The following PREX1 variants were observed in gnomAD, a reference collection of about 807,000 sequenced individuals.
The protein encoded by PREX1 is phosphatidylinositol 3,4,5-trisphosphate-dependent Rac exchanger 1 protein.
Under a neutral mutation model 198.3 loss-of-function variants are expected in PREX1, and 41 were observed. That is an observed-to-expected ratio of 0.21 (90% CI 0.16 to 0.27). The LOEUF (loss-of-function observed/expected upper bound fraction) is 0.27, where lower values mean the gene tolerates loss of function less well. PREX1 is among the 10% of genes least tolerant of loss of function. PREX1 has a pLI of 1.00. For synonymous variants in PREX1, 843 were observed against 887.2 expected, an observed-to-expected ratio of 0.95 and a Z score of 0.89; for missense variants, 1,620 against 2,200.7, an observed-to-expected ratio of 0.74 and a Z score of 5.28.
rs752267649 is a variant in PREX1 at position 48,650,925 on chromosome 20, C to A, written c.2786G>T (p.Ser929Ile). Reference sequence around the variant, plus strand: ...GTAGCAGGCAATCCTCTGGCCAATGCTCTCCAGCTTGGTGTCACAGATGTT... The same window carrying A: ...GTAGCAGGCAATCCTCTGGCCAATGATCTCCAGCTTGGTGTCACAGATGTT... ...FRNICDTKLE[S>I]IGQRIACYQE... The change falls in exon 23 of 40, where the codon AGC becomes ATC. Residue 929 changes from serine to isoleucine, a missense_variant. Physicochemically the swap from Ser to Ile is moderately radical, Grantham distance 142. Transcript: ENST00000371941. The A allele has an allele frequency of 6.2e-7, 1 of 1,614,208 alleles. No homozygotes were observed. Among genetic ancestry groups the A allele is most frequent in the South Asian group, 1.1e-5 (1 of 91,086 alleles).
chr20:48,705,892 T>A (rs1275106056), intron 6 of PREX1, among the ~76,000 whole-genome samples: 1 of 152,148 alleles, frequency 6.6e-6, no homozygotes, highest in African/African-American at 2.4e-5. Context: ...CAGGACAAAC[T>A]TACTCGAGGC....
In PREX1 at chr20:48,827,638, T is replaced by G; in HGVS notation, c.219+4A>C. 1.0e-5 allele frequency: 13 copies of G among 1,300,824 alleles called. No individual in the cohort carries two copies. Among genetic ancestry groups the G allele is most frequent in the Non-Finnish European group, 1.3e-5 (13 of 1,012,814 alleles). The allele number at this position is 1,300,824 out of a possible 1,614,324, so 80.6% of individuals were successfully genotyped here. On this transcript the variant is annotated splice_donor_region_variant and intron_variant, in intron 1 of 39. Coordinates refer to ENST00000371941, the MANE Select transcript of PREX1 (RefSeq NM_020820.4). The surrounding 1 kb of genome is among the most constrained non-coding windows in gnomAD (Gnocchi z 4.1). ...CTGTCCCCAAGCTCCCGAGCGACACTCACCGACTGCAAGAAGCGCAAGGTG... is the reference window on the plus strand; with the variant it reads ...CTGTCCCCAAGCTCCCGAGCGACACGCACCGACTGCAAGAAGCGCAAGGTG...
At chr20:48,869,425 A>C in the PREX1 span, among the ~76,000 whole-genome samples, 11 of 152,096 alleles carry the variant, frequency 7.2e-5, no homozygotes, top group African/African-American at 2.7e-4. Context: ...TGGCCTCCCA[A>C]AGTGCTGGGA....
At chr20:48,772,665 C>T (rs1429560542) in intron 1 of PREX1, among the ~76,000 whole-genome samples, 1 of 152,166 alleles carries the variant, frequency 6.6e-6, no homozygotes, top group East Asian at 1.9e-4. Context: ...AATTTACTGC[C>T]CTGAAACTGA....
chr20:48,656,713 C>T (rs187992514), intron 18 of PREX1, among the ~76,000 whole-genome samples: 3 of 152,300 alleles, frequency 2.0e-5, no homozygotes, highest in East Asian at 1.9e-4. Context: ...ATCTGTGCCA[C>T]GCTCACCAGC....
intron 1 of PREX1, among the ~76,000 whole-genome samples, chr20:48,816,134 C>T (rs1600533236): frequency 6.6e-6 from 1 of 152,164 alleles, no homozygotes; most frequent in African/African-American, 2.4e-5. Context: ...AGCCCACCTG[C>T]CCCGTCTCGC....
the PREX1 span, among the ~76,000 whole-genome samples, chr20:48,872,084 GGGAGAC>G: frequency 6.6e-6 from 1 of 151,690 alleles, no homozygotes; most frequent in South Asian, 2.1e-4. Flanking sequence ...GCGTGAACCT[GGGAGAC>G]GGAGCTTGCA....
rs144582521 is a variant in PREX1 at position 48,749,268 on chromosome 20, T to C, written c.220-1388A>G. Among the ~76,000 whole-genome samples, 1,197 of 152,242 alleles carry C rather than the reference T, an allele frequency of 7.9e-3. 8 individuals carry two copies. Among genetic ancestry groups the C allele is most frequent in the Middle Eastern group, 0.017 (5 of 294 alleles). ...GGAAAAGGAATTCATGGTGCTGTCA[T>C]AGCCACAGGGCCACGGGGAGCTGTG... On this transcript the variant is annotated intron_variant, in intron 1 of 39. Coordinates refer to ENST00000371941, the MANE Select transcript of PREX1 (RefSeq NM_020820.4).
chr20:48,698,902 C>T (rs990376284), intron 7 of PREX1, among the ~76,000 whole-genome samples: 2 of 152,200 alleles, frequency 1.3e-5, no homozygotes, highest in African/African-American at 2.4e-5. Context: ...CTCTGTTTTA[C>T]GGATGAGGAA....
At chr20:48,637,828 T>C (rs1343653793) in intron 30 of PREX1, 76 bp from the exon 31 acceptor site, 24 of 1,335,880 alleles carry the variant, frequency 1.8e-5, no homozygotes, top group Non-Finnish European at 2.3e-5. Flanking sequence ...ACCGGGCCCC[T>C]CCCCATGGCA....
Position 48,636,576 on chromosome 20 carries a change from T to G in PREX1, c.4054A>C (p.Asn1352His). Residue 1352 changes from asparagine to histidine, a missense_variant, in exon 32 of 40, where the codon AAC becomes CAC. Asn to His is a moderately conservative substitution (Grantham distance 68). Around this residue, in one of 7 missense-constraint regions of PREX1, gnomAD observed 476 missense variants for 603.4 expected, o/e 0.79. Coordinates refer to ENST00000371941, the MANE Select transcript of PREX1 (RefSeq NM_020820.4). Reference protein sequence around the residue: ...LLAALGYRYNNNGEYEESSRD... With the variant: ...LLAALGYRYNHNGEYEESSRD... ...CTGCTCTCCTCGTACTCGCCATTGT[T>G]GTTGTAGCGGTAGCCCAGGGCCGCC... 6.2e-7 allele frequency: 1 copy of G among 1,612,034 alleles called. No individual in the cohort carries two copies. Among genetic ancestry groups the G allele is most frequent in the Non-Finnish European group, 8.5e-7 (1 of 1,179,672 alleles).
At chr20:48,854,164 A>G in the PREX1 span, among the ~76,000 whole-genome samples, 2 of 152,096 alleles carry the variant, frequency 1.3e-5, no homozygotes, top group Non-Finnish European at 2.9e-5. Flanking sequence ...TTGTGTGTGG[A>G]GCTGGTGTGA....
At chr20:48,852,911 G>A in the PREX1 span, among the ~76,000 whole-genome samples, 1 of 152,192 alleles carries the variant, frequency 6.6e-6, no homozygotes. Flanking sequence ...TTAAAAGCAA[G>A]GAGGAGAATA....
At chr20:48,668,051 G>C (rs1234841420) in intron 14 of PREX1, among the ~76,000 whole-genome samples, 1 of 152,212 alleles carries the variant, frequency 6.6e-6, no homozygotes, top group Admixed American at 6.5e-5. Context: ...CCTTCAGTGA[G>C]TCATCCTTTG....
intron 1 of PREX1, among the ~76,000 whole-genome samples, chr20:48,795,988 G>GA (rs2090360718): frequency 6.6e-6 from 1 of 152,184 alleles, no homozygotes; most frequent in Non-Finnish European, 1.5e-5. Context: ...AACACACAGG[G>GA]AAAGATCTGG....
intron 1 of PREX1, among the ~76,000 whole-genome samples, chr20:48,751,841 A>C (rs899253274): frequency 2.0e-5 from 3 of 152,060 alleles, no homozygotes; most frequent in Admixed American, 2.0e-4. Flanking sequence ...TGATGATGAA[A>C]TACGTCAGGG....
At chr20:48,719,802 T>C (rs4810867) in intron 5 of PREX1, among the ~76,000 whole-genome samples, 75,690 of 151,838 alleles carry the variant, frequency 0.5, 20,963 homozygotes, top group African/African-American at 0.75. Context: ...CCTGACTCCA[T>C]CCTGACCACC....
At chr20:48,677,035 A>G (rs1025641820) in intron 13 of PREX1, among the ~76,000 whole-genome samples, 2 of 152,176 alleles carry the variant, frequency 1.3e-5, no homozygotes, top group African/African-American at 4.8e-5. Flanking sequence ...CAGCCTCTGA[A>G]GCTGTGACAA....
chr20:48,787,458 GGCAGCAAACAGCCC>G (rs2090318451), intron 1 of PREX1, among the ~76,000 whole-genome samples: 3 of 151,962 alleles, frequency 2.0e-5, no homozygotes, highest in African/African-American at 7.2e-5. Flanking sequence ...AATGCCCGCT[GGCAGCAAACAGCCC>G]CCGGCCAGCC....
Sources: gnomAD v4.1 joint callset for allele counts (sites outside exome capture counted in the v4.1 genomes callset) on GRCh38, gnomAD v4.1.1 for gene constraint, gnomAD v4.1.1 regional missense constraint, Gnocchi (gnomAD v3.1) non-coding constraint, MANE v1.5 for transcripts, NCBI Gene and HGNC (gene_info 2026-07-23, HGNC 2026-07-21) for gene names.